The following CMTM7 variants were observed in gnomAD, a reference collection of about 807,000 sequenced individuals.
The protein encoded by CMTM7 is CKLF like MARVEL transmembrane domain containing 7.
CMTM7 carries 7 observed loss-of-function variants against 19.3 expected under a neutral mutation model. The observed-to-expected ratio is 0.36, with a 90% CI of 0.21 to 0.68. CMTM7 has a LOEUF of 0.68. CMTM7 is among the 30% of genes least tolerant of loss of function. The probability of loss-of-function intolerance (pLI) is 0.60; values close to 1 mark genes in which losing one functional copy is unlikely to be tolerated. For missense variants in CMTM7, 193 were observed against 232.6 expected, an observed-to-expected ratio of 0.83 and a Z score of 1.11; for synonymous variants, 87 against 99.3, an observed-to-expected ratio of 0.88 and a Z score of 0.74.
chr3:32,445,943 C>T (rs1003762180), intron 2 of CMTM7, among the ~76,000 whole-genome samples: 2 of 152,096 alleles, frequency 1.3e-5, no homozygotes, highest in Non-Finnish European at 2.9e-5. Flanking sequence ...TTTTTTGCAT[C>T]TGTATTTAAA....
At chr3:32,412,681 C>A (rs1434644914) in intron 1 of CMTM7, among the ~76,000 whole-genome samples, 1 of 151,236 alleles carries the variant, frequency 6.6e-6, no homozygotes, top group Non-Finnish European at 1.5e-5. Flanking sequence ...ATAATTAAAT[C>A]TGAAAGTTAT....
intron 1 of CMTM7, among the ~76,000 whole-genome samples, chr3:32,438,920 TAGATGCA>T (rs1156829472): frequency 6.6e-6 from 1 of 152,240 alleles, no homozygotes; most frequent in Non-Finnish European, 1.5e-5. Context: ...TGCATTAAAC[TAGATGCA>T]AAATTGCCTC....
chr3:32,393,313 A>T (rs1000053077), intron 1 of CMTM7, among the ~76,000 whole-genome samples: 2 of 152,170 alleles, frequency 1.3e-5, no homozygotes, highest in Non-Finnish European at 2.9e-5. Context: ...CGTACAAAAA[A>T]ATCTGGTGCT....
intron 1 of CMTM7, among the ~76,000 whole-genome samples, chr3:32,429,038 A>T (rs577189533): frequency 6.6e-6 from 1 of 152,342 alleles, no homozygotes; most frequent in South Asian, 2.1e-4. Context: ...GAACTATTGC[A>T]CTTTCATTCA....
At chr3:32,444,941 C>G (rs888278686) in intron 2 of CMTM7, among the ~76,000 whole-genome samples, 1 of 152,064 alleles carries the variant, frequency 6.6e-6, no homozygotes, top group African/African-American at 2.4e-5. Flanking sequence ...AAATTTGTGT[C>G]TGAGCATTTT....
chr3:32,423,824 C>A (rs766312421), intron 1 of CMTM7, among the ~76,000 whole-genome samples: 1 of 152,166 alleles, frequency 6.6e-6, no homozygotes, highest in Non-Finnish European at 1.5e-5. Flanking sequence ...TTTAAGCCAG[C>A]CCCCCAGGTG....
At position 32,449,817 on chromosome 3, in the gene CMTM7, GC is replaced by G. The variant is rs1020750908; in HGVS notation, c.432+267del. 1.3e-5 allele frequency among the ~76,000 whole-genome samples: 2 copies of G among 152,084 alleles called. No homozygotes were observed. Among genetic ancestry groups the G allele is most frequent in the African/African-American group, 4.8e-5 (2 of 41,394 alleles). On this transcript the variant is annotated intron_variant, in intron 3 of 4. Coordinates refer to ENST00000334983, the MANE Select transcript of CMTM7 (RefSeq NM_138410.4). This position sits in a 1 kb window ranked among gnomAD's most constrained non-coding sequence, Gnocchi z 4.5. ...TTACAGGCACTACTGAAATCAGGGG[GC>G]CAGGCGGGTTTTAATTCACACACCC...
chr3:32,392,672 G>A (rs965466061), intron 1 of CMTM7, among the ~76,000 whole-genome samples: 1 of 152,236 alleles, frequency 6.6e-6, no homozygotes, highest in African/African-American at 2.4e-5. Context: ...GAGGGCCCGG[G>A]TCTCAGGGGG....
chr3:32,422,574 A>G (rs1486480647), intron 1 of CMTM7, among the ~76,000 whole-genome samples: 1 of 152,240 alleles, frequency 6.6e-6, no homozygotes, highest in Non-Finnish European at 1.5e-5. Context: ...ATAATCCTTG[A>G]ATGAATAACT....
intron 1 of CMTM7, among the ~76,000 whole-genome samples, chr3:32,403,532 G>C (rs1312586216): frequency 6.6e-6 from 1 of 152,112 alleles, no homozygotes; most frequent in Non-Finnish European, 1.5e-5. Flanking sequence ...TTTTTTATAT[G>C]TGTTACCTTG....
chr3:32,394,989 C>T (rs1695894388), intron 1 of CMTM7, among the ~76,000 whole-genome samples: 1 of 151,394 alleles, frequency 6.6e-6, no homozygotes, highest in Admixed American at 6.6e-5. Context: ...AGCTGCCGCG[C>T]TCGGCTAAAT....
intron 1 of CMTM7, among the ~76,000 whole-genome samples, chr3:32,398,933 G>A (rs1023417272): frequency 5.3e-5 from 8 of 152,058 alleles, no homozygotes; most frequent in South Asian, 2.1e-4. Flanking sequence ...AGTGGTGATC[G>A]CCACGGCACT....
intron 1 of CMTM7, among the ~76,000 whole-genome samples, chr3:32,416,864 C>G (rs1696274986): frequency 6.6e-6 from 1 of 152,142 alleles, no homozygotes; most frequent in Non-Finnish European, 1.5e-5. Context: ...ATGAAGTGAA[C>G]TTTTTACAAA....
chr3:32,405,913 TTACTTTTTTGAA>T (rs1326690811), intron 1 of CMTM7, among the ~76,000 whole-genome samples: 2 of 152,252 alleles, frequency 1.3e-5, no homozygotes, highest in Non-Finnish European at 2.9e-5. Flanking sequence ...TAAGTTGTAT[TTACTTTTTTGAA>T]TAGATAACGT....
intron 1 of CMTM7, among the ~76,000 whole-genome samples, chr3:32,396,921 A>G (rs1695927360): frequency 6.6e-6 from 1 of 152,218 alleles, no homozygotes; most frequent in African/African-American, 2.4e-5. Context: ...CGTCCTATCT[A>G]TTTGTTCATT....
chr3:32,443,056 G>A (rs945199802), intron 2 of CMTM7, among the ~76,000 whole-genome samples: 1 of 152,104 alleles, frequency 6.6e-6, no homozygotes. Flanking sequence ...TTAGCTGAAT[G>A]TTTTCATGGT....
intron 1 of CMTM7, 84 bp downstream of exon 1, chr3:32,392,149 T>A: frequency 9.4e-7 from 1 of 1,068,984 alleles, no homozygotes; most frequent in Non-Finnish European, 1.2e-6. Context: ...GCCGGGCGTC[T>A]GGACCCGGCC....
At chr3:32,419,097 G>A (rs1696307560) in intron 1 of CMTM7, among the ~76,000 whole-genome samples, 1 of 152,124 alleles carries the variant, frequency 6.6e-6, no homozygotes, top group African/African-American at 2.4e-5. Context: ...TCACCATATT[G>A]TAAAGTTAGA....
chr3:32,407,065 G>A (rs1416056338), intron 1 of CMTM7, among the ~76,000 whole-genome samples: 1 of 152,188 alleles, frequency 6.6e-6, no homozygotes, highest in African/African-American at 2.4e-5. Flanking sequence ...CTGGGAATCT[G>A]AACAGGGCAC....
Sources: allele counts gnomAD v4.1 joint callset (sites outside exome capture counted in the v4.1 genomes callset), GRCh38; gene constraint gnomAD v4.1.1; non-coding constraint Gnocchi (gnomAD v3.1); transcripts MANE v1.5; gene names NCBI Gene and HGNC (gene_info 2026-07-23, HGNC 2026-07-21).